The following IFT43 variants were observed in gnomAD, a reference collection of about 807,000 sequenced individuals.
IFT43 encodes the protein intraflagellar transport protein 43 homolog.
In IFT43, 33 loss-of-function variants were observed where a neutral mutation model predicts 32.3. That is an observed-to-expected ratio of 1.02 (90% CI 0.77 to 1.37). The LOEUF (loss-of-function observed/expected upper bound fraction) is 1.37. Among genes scored for constraint, IFT43 ranks in the 40% most tolerant of loss-of-function variants. The probability of loss-of-function intolerance (pLI) is 0.00; values close to 1 mark genes in which losing one functional copy is unlikely to be tolerated. For synonymous variants in IFT43, 93 were observed against 98.2 expected (o/e 0.95, Z 0.31); for missense variants, 274 against 265.9 (o/e 1.03, Z -0.21).
At chr14:76,036,408 CTTTTT>C (rs3086747) in intron 3 of IFT43, among the ~76,000 whole-genome samples, 1 of 119,728 alleles carries the variant, frequency 8.4e-6, no homozygotes, top group Non-Finnish European at 1.7e-5. Flanking sequence ...TTCTGTCTTT[CTTTTT>C]TTTTTTTTTT....
intron 3 of IFT43, among the ~76,000 whole-genome samples, chr14:76,050,522 G>C (rs1352969847): frequency 6.6e-6 from 1 of 152,068 alleles, no homozygotes; most frequent in Non-Finnish European, 1.5e-5. Flanking sequence ...AGGTCTCGCT[G>C]TGTTGCTTAG....
intron 2 of IFT43, among the ~76,000 whole-genome samples, chr14:76,020,953 G>C (rs2036278775): frequency 6.6e-6 from 1 of 152,182 alleles, no homozygotes; most frequent in Admixed American, 6.5e-5. Flanking sequence ...TGGCCATCAG[G>C]CTTTTGGGAG....
chr14:76,083,077 A>AT, intron 7 of IFT43, 150 bp from the exon 8 acceptor site: 1 of 813,896 alleles, frequency 1.2e-6, no homozygotes, highest in Non-Finnish European at 2.1e-6. Flanking sequence ...CATGTGGTTC[A>AT]TTCATGATTT....
chr14:76,024,212 G>C (rs1362576384), intron 3 of IFT43, among the ~76,000 whole-genome samples: 3 of 152,196 alleles, frequency 2.0e-5, no homozygotes, highest in African/African-American at 7.2e-5. Flanking sequence ...GGCCATCCAG[G>C]ATAAGCATCC....
chr14:75,996,351 A>G (rs1418298183), intron 2 of IFT43, among the ~76,000 whole-genome samples: 1 of 152,212 alleles, frequency 6.6e-6, no homozygotes. Context: ...TTGAATGGAG[A>G]TGATAGTAGT....
chr14:76,045,164 C>G (rs747080782), intron 3 of IFT43, among the ~76,000 whole-genome samples: 1 of 152,152 alleles, frequency 6.6e-6, no homozygotes, highest in Non-Finnish European at 1.5e-5. Flanking sequence ...CTTAAGGGCT[C>G]ACTCATCCTC....
chr14:76,077,082 G>A (rs2037425911), intron 5 of IFT43, among the ~76,000 whole-genome samples: 1 of 152,074 alleles, frequency 6.6e-6, no homozygotes, highest in African/African-American at 2.4e-5. Flanking sequence ...GGTGGTTCCA[G>A]AATGTGGAGA....
chr14:76,036,797 C>CCCTT (rs1329630083), intron 3 of IFT43, among the ~76,000 whole-genome samples: 1 of 151,382 alleles, frequency 6.6e-6, no homozygotes, highest in African/African-American at 2.4e-5. Flanking sequence ...CTTCCTCCCT[C>CCCTT]CCTTCCTTCC....
intron 2 of IFT43, among the ~76,000 whole-genome samples, chr14:76,017,605 TTG>T (rs1194682259): frequency 6.6e-6 from 1 of 152,154 alleles, no homozygotes; most frequent in Non-Finnish European, 1.5e-5. Context: ...CATTCAATTT[TTG>T]GGAATAGACT....
chr14:76,026,597 G>A (rs1412169953), intron 3 of IFT43, among the ~76,000 whole-genome samples: 7 of 151,500 alleles, frequency 4.6e-5, no homozygotes, highest in African/African-American at 1.7e-4. Context: ...ATGCTGGTGA[G>A]GTTGCGGAGA....
chr14:75,997,465 T>C (rs1266209591), intron 2 of IFT43, among the ~76,000 whole-genome samples: 1 of 152,276 alleles, frequency 6.6e-6, no homozygotes, highest in Non-Finnish European at 1.5e-5. Flanking sequence ...GTGCAACCAC[T>C]GTACCTTCCT....
At chr14:76,016,691 G>C (rs1166758548) in intron 2 of IFT43, among the ~76,000 whole-genome samples, 1 of 152,102 alleles carries the variant, frequency 6.6e-6, no homozygotes. Context: ...CCATAAGCAT[G>C]GGATGTCTAT....
intron 3 of IFT43, among the ~76,000 whole-genome samples, chr14:76,056,927 C>A (rs938753464): frequency 6.6e-6 from 1 of 152,176 alleles, no homozygotes; most frequent in African/African-American, 2.4e-5. Context: ...GCTGGGGATG[C>A]CCTGGGCACC....
chr14:76,071,689 C>G (rs539399895), intron 5 of IFT43, among the ~76,000 whole-genome samples: 1 of 152,298 alleles, frequency 6.6e-6, no homozygotes, highest in African/African-American at 2.4e-5. Flanking sequence ...CAGTAAAATT[C>G]AGGAAGTGGT....
chr14:76,078,274 G>T (rs1370639633), intron 5 of IFT43, among the ~76,000 whole-genome samples: 1 of 152,206 alleles, frequency 6.6e-6, no homozygotes, highest in Non-Finnish European at 1.5e-5. Context: ...TATAGCATTT[G>T]AATTTATTAC....
chr14:76,071,755 T>C (rs758012283), intron 5 of IFT43, among the ~76,000 whole-genome samples: 1 of 152,230 alleles, frequency 6.6e-6, no homozygotes, highest in Non-Finnish European at 1.5e-5. Context: ...TAAGAATGTA[T>C]AATTTCATCT....
intron 2 of IFT43, among the ~76,000 whole-genome samples, chr14:76,014,694 A>T (rs930786297): frequency 2.0e-5 from 3 of 152,106 alleles, no homozygotes; most frequent in Non-Finnish European, 4.4e-5. Context: ...CTGAGTGTGT[A>T]CAATTCTGTT....
intron 1 of IFT43, chr14:75,986,164 AGGGTGATAGGGGAGCCCCGGCCG>A: frequency 7.4e-7 from 1 of 1,343,674 alleles, no homozygotes; most frequent in Non-Finnish European, 9.8e-7. Flanking sequence ...GATCGATCAC[AGGGTGATAGGGGAGCCCCGGCCG>A]GGGTCGCACT....
chr14:76,013,952 G>A, intron 2 of IFT43: 1 of 239,488 alleles, frequency 4.2e-6, no homozygotes, highest in Non-Finnish European at 9.0e-6. Context: ...CAAGTAATTA[G>A]TGCTGAAAAC....
Sources: allele counts gnomAD v4.1 joint callset (sites outside exome capture counted in the v4.1 genomes callset), GRCh38; gene constraint gnomAD v4.1.1; transcripts MANE v1.5; gene names NCBI Gene and HGNC (gene_info 2026-07-23, HGNC 2026-07-21).